The following DYSF variants were observed in gnomAD, a reference collection of about 807,000 sequenced individuals.
The protein encoded by DYSF is dystrophy-associated fer-1-like 1.
DYSF carries 212 observed loss-of-function variants against 274.9 expected under a neutral mutation model. The ratio of observed to expected loss-of-function variants is 0.77; its 90% CI spans 0.69 to 0.86. DYSF has a LOEUF of 0.86. Among genes scored for constraint, DYSF ranks in the 40% least tolerant of loss-of-function variants. The pLI, the probability that DYSF is intolerant of heterozygous loss-of-function variation, is 0.00. For missense variants in DYSF, 2,666 were observed against 2,783.2 expected (o/e 0.96, Z 0.95); for synonymous variants, 1,091 against 1,078.7 (o/e 1.01, Z -0.22).
intron 41 of DYSF, among the ~76,000 whole-genome samples, chr2:71,628,168 GTTTCTA>G (rs1345683739): frequency 1.3e-5 from 2 of 151,484 alleles, no homozygotes; most frequent in Non-Finnish European, 2.9e-5. Flanking sequence ...AACTATATAT[GTTTCTA>G]TTTCTTTAGT....
intron 30 of DYSF, among the ~76,000 whole-genome samples, chr2:71,577,358 C>CA (rs2152827679): frequency 6.6e-6 from 1 of 151,738 alleles, no homozygotes; most frequent in East Asian, 1.9e-4. Flanking sequence ...CCAATAAGCA[C>CA]ACTAACGCAC....
chr2:71,465,455 A>G (rs747907352), upstream of DYSF, among the ~76,000 whole-genome samples: 1 of 152,140 alleles, frequency 6.6e-6, no homozygotes, highest in Non-Finnish European at 1.5e-5. Flanking sequence ...ACAGGGAGAC[A>G]AGACATATAG....
At chr2:71,524,617 T>C (rs1255082873) in intron 12 of DYSF, among the ~76,000 whole-genome samples, 1 of 152,228 alleles carries the variant, frequency 6.6e-6, no homozygotes, top group Non-Finnish European at 1.5e-5. Context: ...AGGAGTTGGC[T>C]GCTGGGCACA....
At chr2:71,562,490 C>T (rs1206547391) in intron 23 of DYSF, among the ~76,000 whole-genome samples, 1 of 152,176 alleles carries the variant, frequency 6.6e-6, no homozygotes, top group Non-Finnish European at 1.5e-5. Context: ...TATTTCCCCA[C>T]CTGCAGACCC....
intron 53 of DYSF, 36 bp downstream of exon 53, chr2:71,679,271 G>A (rs750745299): frequency 6.3e-7 from 1 of 1,599,838 alleles, no homozygotes; most frequent in African/African-American, 1.3e-5. Context: ...TGGAGGGCAT[G>A]GGGGAAGCTT....
chr2:71,682,709 A>C, intron 55 of DYSF, 32 bp downstream of exon 55: 1 of 1,604,688 alleles, frequency 6.2e-7, no homozygotes, highest in South Asian at 1.1e-5. Flanking sequence ...GTGGTGGGGG[A>C]ACTCTGGGTC....
Position 71,468,791 on chromosome 2 carries a change from C to T in DYSF, c.91+1858C>T, listed in dbSNP as rs182561816. Among the ~76,000 whole-genome samples, 148 of 152,320 alleles carry T rather than the reference C, an allele frequency of 9.7e-4. 2 individuals carry two copies. Among genetic ancestry groups the T allele is most frequent in the East Asian group, 2.3e-3 (12 of 5,174 alleles). Reference sequence around the variant, plus strand: ...ACCTTGCTAGGGATGCTAGCACCCTCGCCCTGACTGGCCTGTGCTCAGCTC... The same window carrying T: ...ACCTTGCTAGGGATGCTAGCACCCTTGCCCTGACTGGCCTGTGCTCAGCTC... On this transcript the variant is annotated intron_variant, in intron 1 of 55. Coordinates refer to ENST00000410020, the MANE Select transcript of DYSF (RefSeq NM_001130987.2).
At chr2:71,610,303 C>T (rs1477971710) in intron 36 of DYSF, among the ~76,000 whole-genome samples, 2 of 152,202 alleles carry the variant, frequency 1.3e-5, no homozygotes, top group African/African-American at 4.8e-5. Context: ...GTATTAACTT[C>T]CTCAACCCTC....
At chr2:71,644,879 C>T (rs932120386) in intron 42 of DYSF, among the ~76,000 whole-genome samples, 10 of 152,098 alleles carry the variant, frequency 6.6e-5, no homozygotes, top group Non-Finnish European at 1.2e-4. Context: ...AAATATTGCA[C>T]GGGGCATATT....
intron 12 of DYSF, 25 bp downstream of exon 12, chr2:71,520,929 C>T (rs765909516): frequency 6.2e-7 from 1 of 1,608,080 alleles, no homozygotes; most frequent in African/African-American, 1.3e-5. Context: ...CTGGGTCTTC[C>T]TTACGGTCCC....
rs2152951851 is a variant in DYSF at position 71,665,283 on chromosome 2, GA to G, written c.5298del (p.Glu1766AspfsTer7). 6.2e-7 allele frequency: 1 copy of G among 1,614,166 alleles called. No homozygotes were observed. The highest frequency in any genetic ancestry group is 8.5e-7 in the Non-Finnish European group (1 of 1,180,036). ...RTDRVMFQDK[E>X]YSIEEIEAGR... Reference sequence around the variant, plus strand: ...AGACCGTGTAATGTTTCAGGATAAAGAATATTCCATTGAAGAGATAGGTGAG... The same window carrying G: ...AGACCGTGTAATGTTTCAGGATAAAGATATTCCATTGAAGAGATAGGTGAG... On this transcript the variant is annotated frameshift_variant, in exon 47 of 56. Coordinates refer to ENST00000410020, the MANE Select transcript of DYSF (RefSeq NM_001130987.2). LOFTEE classifies it high-confidence loss of function.
intron 55 of DYSF, among the ~76,000 whole-genome samples, chr2:71,682,974 A>G (rs1297192652): frequency 6.6e-6 from 1 of 152,190 alleles, no homozygotes; most frequent in Non-Finnish European, 1.5e-5. Flanking sequence ...GGTTAGGAGA[A>G]GATGAGGCCC....
chr2:71,465,398 A>G (rs2081468754), upstream of DYSF, among the ~76,000 whole-genome samples: 1 of 152,126 alleles, frequency 6.6e-6, no homozygotes, highest in African/African-American at 2.4e-5. Context: ...GAGGAAGCAA[A>G]CTGAGAGTGA....
chr2:71,535,377 C>G, intron 16 of DYSF, 66 bp downstream of exon 16: 6 of 1,484,246 alleles, frequency 4.0e-6, no homozygotes, highest in Non-Finnish European at 5.7e-6. Flanking sequence ...CCCTCAGTTT[C>G]ATTCGGCTCA....
upstream of DYSF, among the ~76,000 whole-genome samples, chr2:71,462,206 C>T (rs2081311064): frequency 6.6e-6 from 1 of 152,220 alleles, no homozygotes; most frequent in Non-Finnish European, 1.5e-5. Flanking sequence ...TGAGTGAGTG[C>T]AGGGTCCAGC....
chr2:71,539,021 A>G, intron 16 of DYSF, 136 bp from the exon 17 acceptor site: 1 of 757,356 alleles, frequency 1.3e-6, no homozygotes, highest in Non-Finnish European at 2.3e-6. Context: ...GTAACATACC[A>G]AAGTGAAGAC....
At chr2:71,546,913 C>G (rs1303574320) in intron 17 of DYSF, among the ~76,000 whole-genome samples, 2 of 152,212 alleles carry the variant, frequency 1.3e-5, no homozygotes, top group Non-Finnish European at 2.9e-5. Context: ...GTTCCGGGGA[C>G]TGTGTGCAGG....
chr2:71,613,306 C>G (rs778974443), intron 39 of DYSF, 28 bp from the exon 40 acceptor site: 1 of 1,599,792 alleles, frequency 6.3e-7, no homozygotes, highest in South Asian at 1.1e-5. Context: ...GAGCCCCTCT[C>G]AGGCCTGGAT....
At chr2:71,453,592 G>A in exon 1 of DYSF, 1 of 323,362 alleles carries the variant, frequency 3.1e-6, no homozygotes, top group East Asian at 8.1e-5. Context: ...TACGCCGGGC[G>A]CCCGGAGCCC....
Sources: gnomAD v4.1 joint callset for allele counts (sites outside exome capture counted in the v4.1 genomes callset) on GRCh38, gnomAD v4.1.1 for gene constraint, MANE v1.5 for transcripts, NCBI Gene and HGNC (gene_info 2026-07-23, HGNC 2026-07-21) for gene names.